The following UPF2 variants were observed in gnomAD, a reference collection of about 807,000 sequenced individuals.
UPF2 encodes the protein regulator of nonsense transcripts 2.
UPF2 carries 17 observed loss-of-function variants against 141.4 expected under a neutral mutation model. That is an observed-to-expected ratio of 0.12 (90% CI 0.08 to 0.18). The LOEUF is 0.18. UPF2 is among the 10% of genes least tolerant of loss of function. The pLI, the probability that UPF2 is intolerant of heterozygous loss-of-function variation, is 1.00. For missense variants in UPF2, 1,152 were observed against 1,515.9 expected (o/e 0.76, Z 3.99); for synonymous variants, 540 against 498.0 (o/e 1.08, Z -1.12).
At chr10:12,027,186 T>C (rs1054484703) in intron 3 of UPF2, among the ~76,000 whole-genome samples, 1 of 151,960 alleles carries the variant, frequency 6.6e-6, no homozygotes, top group African/African-American at 2.4e-5. Flanking sequence ...CCGAGAGAAC[T>C]GAGCTCCTTT....
chr10:12,000,995 T>A (rs1487467740), intron 6 of UPF2, among the ~76,000 whole-genome samples: 1 of 152,234 alleles, frequency 6.6e-6, no homozygotes, highest in Admixed American at 6.5e-5. Context: ...AACTTTCAAA[T>A]ACATTTATGT....
intron 3 of UPF2, among the ~76,000 whole-genome samples, chr10:12,018,187 C>T (rs1433914542): frequency 6.6e-6 from 1 of 152,158 alleles, no homozygotes; most frequent in African/African-American, 2.4e-5. Flanking sequence ...GCGGCTAACG[C>T]CTGTAATCCT....
Position 12,035,130 on chromosome 10 carries a change from T to C in UPF2, c.294A>G (p.Gln98=), listed in dbSNP as rs753022966. The C allele has an allele frequency of 8.8e-6, 14 of 1,599,300 alleles. No individual in the cohort carries two copies. In the South Asian group the frequency reaches 1.4e-4, roughly 16 times the overall value. The change falls in exon 2 of 22, where the codon CAA becomes CAG. Residue 98 remains glutamine (Q), a synonymous_variant. Coordinates refer to ENST00000357604, the MANE Select transcript of UPF2 (RefSeq NM_015542.4). ...KKEEEEKKKH[Q]EEERKKQEEQ... is the part of the protein sequence containing the mutation. ...CTTCTTGCTTCTTTCTCTCTTCCTC[T>C]TGATGTTTCTTTTTTTCTTCCTCTT... is the stretch of plus-strand genomic sequence containing the variant.
intron 4 of UPF2, among the ~76,000 whole-genome samples, chr10:12,011,801 C>T (rs1462958067): frequency 4.6e-5 from 7 of 150,992 alleles, no homozygotes; most frequent in East Asian, 2.0e-4. Context: ...CAAAATTAGC[C>T]GGGTGTAGTG....
At chr10:11,926,652 C>T (rs78834556) in intron 21 of UPF2, among the ~76,000 whole-genome samples, 2 of 152,148 alleles carry the variant, frequency 1.3e-5, no homozygotes, top group Non-Finnish European at 2.9e-5. Flanking sequence ...GTGGGGATGC[C>T]AGTGATGGCA....
chr10:11,924,824 T>G (rs1445525273), intron 21 of UPF2, among the ~76,000 whole-genome samples: 2 of 152,118 alleles, frequency 1.3e-5, no homozygotes, highest in Non-Finnish European at 2.9e-5. Context: ...CTAATATTAA[T>G]AACTGATTTT....
In UPF2 at chr10:11,936,631, G is replaced by A. The variant is rs144437160; in HGVS notation, c.3460C>T (p.Pro1154Ser). The change falls in exon 19 of 22, where the codon CCC (proline) becomes TCC (serine). Residue 1154 changes from proline to serine, a missense_variant. Transcript: ENST00000357604. The surrounding 1 kb of genome is among the most constrained non-coding windows in gnomAD (Gnocchi z 6.6). ...LHLKSQLRKG[P>S]PLGGGEGEAE... ...TCTCCTTCCCCACCTCCCAGTGGGG[G>A]CCCTTTCCTCAGCTGGCTTTTGAGA... 258 of 1,613,332 alleles carry A rather than the reference G, an allele frequency of 1.6e-4. 1 individual carries two copies. The highest frequency in any genetic ancestry group is 2.1e-4 in the Non-Finnish European group (250 of 1,179,698).
intron 3 of UPF2, among the ~76,000 whole-genome samples, chr10:12,025,804 T>G (rs1834409603): frequency 6.6e-6 from 1 of 152,156 alleles, no homozygotes; most frequent in Admixed American, 6.5e-5. Flanking sequence ...ACTATTCAGT[T>G]TTTGTTTCGA....
At chr10:11,969,246 C>A (rs1277442980) in intron 9 of UPF2, among the ~76,000 whole-genome samples, 2 of 151,432 alleles carry the variant, frequency 1.3e-5, no homozygotes. Flanking sequence ...CAGACCACTG[C>A]AACCTCTCTG....
intron 12 of UPF2, among the ~76,000 whole-genome samples, chr10:11,957,290 A>G (rs922323678): frequency 6.6e-6 from 1 of 151,742 alleles, no homozygotes; most frequent in African/African-American, 2.4e-5. Context: ...TTAGCCAAGC[A>G]CAGTGGTGGG....
chr10:12,006,502 C>CA (rs761127407), intron 4 of UPF2, among the ~76,000 whole-genome samples: 16 of 151,518 alleles, frequency 1.1e-4, no homozygotes, highest in South Asian at 4.2e-4. Context: ...ACACCAAAAA[C>CA]AAAAAAAACA....
intron 8 of UPF2, among the ~76,000 whole-genome samples, chr10:11,981,681 G>A (rs955835477): frequency 8.5e-5 from 3 of 35,434 alleles, no homozygotes; most frequent in Admixed American, 9.7e-4. Flanking sequence ...TTCTTGTAAG[G>A]TACTCTTTTT....
At chr10:11,987,148 C>T (rs1833705097) in intron 8 of UPF2, among the ~76,000 whole-genome samples, 1 of 152,142 alleles carries the variant, frequency 6.6e-6, no homozygotes, top group East Asian at 1.9e-4. Context: ...ATATCTTGAT[C>T]GGAGTGATGG....
At chr10:11,932,049 T>G (rs10795912) in intron 19 of UPF2, among the ~76,000 whole-genome samples, 33,678 of 151,812 alleles carry the variant, frequency 0.22, 4,069 homozygotes, top group East Asian at 0.47. Context: ...CCCGGGAGGC[T>G]GAGGCAGGAG....
intron 8 of UPF2, among the ~76,000 whole-genome samples, chr10:11,991,794 C>G (rs1040491015): frequency 1.3e-5 from 2 of 152,188 alleles, no homozygotes; most frequent in African/African-American, 4.8e-5. Flanking sequence ...CAATTCTGAA[C>G]ATAGAGAAAT....
chr10:11,935,234 T>A lies in UPF2; in HGVS notation c.3546+1311A>T, dbSNP rs1368031474. 6.6e-6 allele frequency among the ~76,000 whole-genome samples: 1 copy of A among 152,110 alleles called. No individual in the cohort carries two copies. Among genetic ancestry groups the A allele is most frequent in the African/African-American group, 2.4e-5 (1 of 41,414 alleles). On this transcript the variant is annotated intron_variant, in intron 19 of 21. Transcript: ENST00000357604. The surrounding 1 kb of genome is among the most constrained non-coding windows in gnomAD (Gnocchi z 4.9). ...CCTGCTTTATCCTCCTTGGTAGCCATCCCAACGTGACTTGGTGTATTTCTC... is the reference window on the plus strand; with the variant it reads ...CCTGCTTTATCCTCCTTGGTAGCCAACCCAACGTGACTTGGTGTATTTCTC...
intron 2 of UPF2, among the ~76,000 whole-genome samples, chr10:12,032,332 A>G (rs1047213763): frequency 1.3e-5 from 2 of 151,692 alleles, no homozygotes; most frequent in Non-Finnish European, 2.9e-5. Flanking sequence ...AAAAGAAAGT[A>G]TGTACATACA....
chr10:12,038,612 C>T (rs150782273), intron 1 of UPF2, among the ~76,000 whole-genome samples: 96 of 151,544 alleles, frequency 6.3e-4, no homozygotes, highest in African/African-American at 2.0e-3. Context: ...GCCTGTAATC[C>T]CAGCTACTCG....
At chr10:11,984,709 T>C (rs527853543) in intron 8 of UPF2, among the ~76,000 whole-genome samples, 2 of 150,950 alleles carry the variant, frequency 1.3e-5, no homozygotes, top group Admixed American at 6.6e-5. Context: ...TATAGCCATC[T>C]TTGCTCTTTA....
Sources: gnomAD v4.1 joint callset for allele counts (sites outside exome capture counted in the v4.1 genomes callset) on GRCh38, gnomAD v4.1.1 for gene constraint, Gnocchi (gnomAD v3.1) non-coding constraint, MANE v1.5 for transcripts, NCBI Gene and HGNC (gene_info 2026-07-23, HGNC 2026-07-21) for gene names.